The following IQGAP2 variants were observed in gnomAD, a reference collection of about 807,000 sequenced individuals.
IQGAP2 encodes ras GTPase-activating-like protein IQGAP2.
A neutral mutation model predicts 201.3 loss-of-function variants in IQGAP2; 173 were observed. The ratio of observed to expected loss-of-function variants is 0.86; its 90% CI spans 0.76 to 0.98. The LOEUF is 0.98. Ranked by LOEUF, IQGAP2 falls within the 50% of genes least tolerant of loss-of-function variation. The probability of loss-of-function intolerance (pLI) is 0.00; values close to 1 mark genes in which losing one functional copy is unlikely to be tolerated. For missense variants in IQGAP2, 1,687 were observed against 1,864.8 expected (o/e 0.90, Z 1.76); for synonymous variants, 675 against 673.9 (o/e 1.00, Z -0.03).
intron 13 of IQGAP2, chr5:76,617,786 A>G (rs781127779): frequency 2.2e-5 from 35 of 1,613,524 alleles, no homozygotes; most frequent in Non-Finnish European, 2.1e-5. Flanking sequence ...TAAAAATCAC[A>G]AGGATGAGGA....
At chr5:76,671,144 C>T (rs527285356) in intron 23 of IQGAP2, among the ~76,000 whole-genome samples, 2 of 151,986 alleles carry the variant, frequency 1.3e-5, no homozygotes, top group South Asian at 2.1e-4. Context: ...GCCTGTAATC[C>T]GAGCTACTCA....
chr5:76,440,162 G>A (rs1424312737), intron 1 of IQGAP2, among the ~76,000 whole-genome samples: 1 of 152,134 alleles, frequency 6.6e-6, no homozygotes, highest in Non-Finnish European at 1.5e-5. Flanking sequence ...TCTGCTTGAG[G>A]CTAAAGATAG....
At chr5:76,542,783 C>T (rs984432247) in intron 2 of IQGAP2, among the ~76,000 whole-genome samples, 1 of 152,212 alleles carries the variant, frequency 6.6e-6, no homozygotes, top group Admixed American at 6.5e-5. Flanking sequence ...CAGGTAGATA[C>T]ACCCTTTTAG....
chr5:76,659,156 G>A (rs531260136), intron 21 of IQGAP2, among the ~76,000 whole-genome samples: 35 of 152,146 alleles, frequency 2.3e-4, no homozygotes, highest in Non-Finnish European at 4.1e-4. Flanking sequence ...GTGGTTCTTC[G>A]TCTGTAAAAT....
At chr5:76,510,822 C>T (rs1580353016) in intron 2 of IQGAP2, 1 of 432,504 alleles carries the variant, frequency 2.3e-6, no homozygotes, top group Non-Finnish European at 4.5e-6. Flanking sequence ...ACACACCTGG[C>T]CTCCAGCAGG....
chr5:76,603,533 T>A (rs1580571553), intron 11 of IQGAP2, among the ~76,000 whole-genome samples: 1 of 152,218 alleles, frequency 6.6e-6, no homozygotes, highest in East Asian at 1.9e-4. Flanking sequence ...GCTCCACCAA[T>A]AAGGGTTTCC....
intron 34 of IQGAP2, chr5:76,702,006 G>T (rs11956898): frequency 0.32 from 49,516 of 152,426 alleles, 8,187 homozygotes; most frequent in Non-Finnish European, 0.35. Flanking sequence ...GCTAATTTTT[G>T]TATTTTTAGT....
chr5:76,674,652 A>G lies in IQGAP2; in HGVS notation c.3470A>G (p.Glu1157Gly). The G allele has an allele frequency of 6.2e-7, 1 of 1,614,158 alleles. No individual in the cohort carries two copies. Among genetic ancestry groups the G allele is most frequent in the Non-Finnish European group, 8.5e-7 (1 of 1,179,986 alleles). Reference protein sequence around the residue: ...HAASNKLFEGENEHLSSMNNY... With the variant: ...HAASNKLFEGGNEHLSSMNNY... ...GCCTCCAACAAGCTGTTTGAAGGAGAAAATGAGCATCTCTCATCTATGAAC... is the reference window on the plus strand; with the variant it reads ...GCCTCCAACAAGCTGTTTGAAGGAGGAAATGAGCATCTCTCATCTATGAAC... Residue 1157 changes from glutamate to glycine, a missense_variant, in exon 27 of 36, where the codon GAA (glutamate) becomes GGA (glycine). Glu to Gly is a moderately conservative substitution (Grantham distance 98). Coordinates refer to ENST00000274364, the MANE Select transcript of IQGAP2 (RefSeq NM_006633.5).
intron 35 of IQGAP2, among the ~76,000 whole-genome samples, chr5:76,703,309 C>A (rs1193516520): frequency 1.3e-5 from 2 of 152,132 alleles, no homozygotes; most frequent in Non-Finnish European, 2.9e-5. Flanking sequence ...GCACACACCA[C>A]CACATCTGGC....
chr5:76,524,036 A>G (rs79091277), intron 2 of IQGAP2, among the ~76,000 whole-genome samples: 3 of 152,244 alleles, frequency 2.0e-5, no homozygotes, highest in East Asian at 3.9e-4. Flanking sequence ...TGATCTCTTT[A>G]GGAGTCTATA....
intron 9 of IQGAP2, among the ~76,000 whole-genome samples, chr5:76,593,361 T>G (rs1406131670): frequency 6.6e-6 from 1 of 152,192 alleles, no homozygotes; most frequent in Non-Finnish European, 1.5e-5. Context: ...GTTTGTAAGA[T>G]TTTTCTTACA....
chr5:76,503,490 A>G (rs1344678401), intron 2 of IQGAP2, among the ~76,000 whole-genome samples: 1 of 150,088 alleles, frequency 6.7e-6, no homozygotes, highest in Non-Finnish European at 1.5e-5. Flanking sequence ...TTAATTTTCT[A>G]ATTCATTTAT....
At chr5:76,419,392 A>G (rs1254608275) in intron 1 of IQGAP2, among the ~76,000 whole-genome samples, 1 of 152,092 alleles carries the variant, frequency 6.6e-6, no homozygotes, top group Non-Finnish European at 1.5e-5. Context: ...GCTGGAGTAC[A>G]GTGGCATGGT....
At chr5:76,536,591 C>G (rs1305628597) in intron 2 of IQGAP2, among the ~76,000 whole-genome samples, 3 of 151,548 alleles carry the variant, frequency 2.0e-5, no homozygotes, top group Non-Finnish European at 4.4e-5. Context: ...AAAACCCCAT[C>G]TCTACTAAAA....
intron 1 of IQGAP2, among the ~76,000 whole-genome samples, chr5:76,418,925 TCCTTGACTATTATCCACGC>T (rs1016747896): frequency 6.6e-5 from 10 of 152,112 alleles, no homozygotes; most frequent in Non-Finnish European, 1.2e-4. Context: ...TGATTACACG[TCCTTGACTATTATCCACGC>T]CCTTGACTAT....
At chr5:76,517,372 A>C (rs1758395138) in intron 2 of IQGAP2, among the ~76,000 whole-genome samples, 1 of 152,152 alleles carries the variant, frequency 6.6e-6, no homozygotes, top group South Asian at 2.1e-4. Flanking sequence ...AACTGCATTC[A>C]ACTCTTCAAT....
chr5:76,508,704 T>TG (rs200404148), intron 2 of IQGAP2, among the ~76,000 whole-genome samples: 6 of 151,746 alleles, frequency 4.0e-5, no homozygotes, highest in African/African-American at 7.3e-5. Context: ...TGTTTTGTTT[T>TG]TTTTTTTTTA....
At chr5:76,430,054 C>T (rs553366863) in intron 1 of IQGAP2, among the ~76,000 whole-genome samples, 54 of 152,186 alleles carry the variant, frequency 3.5e-4, no homozygotes, top group Non-Finnish European at 5.9e-5. Context: ...ATTCCTTGGA[C>T]TTGTCTTTAT....
At chr5:76,551,256 G>A (rs1017438303) in intron 2 of IQGAP2, among the ~76,000 whole-genome samples, 2 of 151,742 alleles carry the variant, frequency 1.3e-5, no homozygotes, top group Admixed American at 6.6e-5. Flanking sequence ...CATCCCAGAC[G>A]GGGCGGCGGG....
Sources: allele counts gnomAD v4.1 joint callset (sites outside exome capture counted in the v4.1 genomes callset), GRCh38; gene constraint gnomAD v4.1.1; transcripts MANE v1.5; gene names NCBI Gene and HGNC (gene_info 2026-07-23, HGNC 2026-07-21).